The following FNTA variants were observed in gnomAD, a reference collection of about 807,000 sequenced individuals.
FNTA encodes farnesyltransferase, CAAX box, subunit alpha.
FNTA carries 27 observed loss-of-function variants against 55.2 expected under a neutral mutation model. That is an observed-to-expected ratio of 0.49 (90% CI 0.36 to 0.67). FNTA has a LOEUF of 0.67. Ranked by LOEUF, FNTA falls within the 30% of genes least tolerant of loss-of-function variation. The probability of loss-of-function intolerance (pLI) is 0.00; values close to 1 mark genes in which losing one functional copy is unlikely to be tolerated. For missense variants in FNTA, 422 were observed against 464.7 expected, an observed-to-expected ratio of 0.91 and a Z score of 0.85; for synonymous variants, 176 against 170.7, an observed-to-expected ratio of 1.03 and a Z score of -0.24.
chr8:43,083,211 T>G (rs1238555518), intron 7 of FNTA, 31 bp downstream of exon 7: 3 of 1,381,332 alleles, frequency 2.2e-6, no homozygotes, highest in Non-Finnish European at 3.0e-6. Flanking sequence ...TTTTTATATA[T>G]AAAAAAGAAG....
chr8:43,056,767 G>A, intron 1 of FNTA: 1 of 183,188 alleles, frequency 5.5e-6, no homozygotes, highest in Admixed American at 6.1e-5. Flanking sequence ...CGAGGTCTCG[G>A]CTTTCCGCCT....
rs35607201 is a variant in FNTA at position 43,062,173 on chromosome 8, ATGTGTGTG to A, written c.287-1906_287-1899del. On this transcript the variant is annotated intron_variant, in intron 2 of 8. Coordinates refer to ENST00000302279, the MANE Select transcript of FNTA (RefSeq NM_002027.3). ...ATCAATGTGCATATGTGTATGTTTT[ATGTGTGTG>A]TGTGTGTGTGTGTGTGTGTGTAAGA... 4.9e-3 allele frequency among the ~76,000 whole-genome samples: 727 copies of A among 149,002 alleles called. 9 individuals are homozygous for A. Among genetic ancestry groups the A allele is most frequent in the African/African-American group, 0.016 (657 of 40,272 alleles).
Position 43,069,604 on chromosome 8 carries a change from G to C in FNTA, c.451G>C (p.Glu151Gln). The change falls in exon 4 of 9, where the codon GAA becomes CAA. Residue 151 changes from glutamate to glutamine, a missense_variant. Coordinates refer to ENST00000302279, the MANE Select transcript of FNTA (RefSeq NM_002027.3). Reference protein sequence around the residue: ...LKSLQKDLHEEMNYITAIIEE... With the variant: ...LKSLQKDLHEQMNYITAIIEE... ...GTCACTTCAGAAGGATCTACATGAG[G>C]AAATGAACTACATCACTGCAATAAT... The C allele has an allele frequency of 6.2e-7, 1 of 1,613,782 alleles. No homozygotes were observed. The highest frequency in any genetic ancestry group is 8.5e-7 in the Non-Finnish European group (1 of 1,179,746).
intron 4 of FNTA, among the ~76,000 whole-genome samples, chr8:43,070,923 C>T (rs991040550): frequency 1.3e-5 from 2 of 152,206 alleles, no homozygotes; most frequent in Non-Finnish European, 2.9e-5. Flanking sequence ...ACTGAACTCA[C>T]CAGCAACCTG....
chr8:43,080,601 T>C (rs1811002838), intron 6 of FNTA: 1 of 152,220 alleles, frequency 6.6e-6, no homozygotes, highest in Non-Finnish European at 1.5e-5. Flanking sequence ...GGTATTCCTG[T>C]ATTGTTCAGT....
chr8:43,083,122 A>G lies in FNTA; in HGVS notation c.787A>G (p.Thr263Ala), dbSNP rs1052863709. The change falls in exon 7 of 9, where the codon ACT becomes GCT. Residue 263 changes from threonine (T) to alanine (A), a missense_variant. Transcript: ENST00000302279. ...RAVLEREVQY[T>A]LEMIKLVPHN... is the part of the protein sequence containing the mutation. ...ATATATATATTTTTCTTGCAGATAC[A>G]CTCTGGAAATGATTAAACTAGTACC... The G allele has an allele frequency of 2.6e-6, 4 of 1,555,372 alleles. No homozygotes were observed. Among genetic ancestry groups the G allele is most frequent in the East Asian group, 2.3e-5 (1 of 44,376 alleles).
chr8:43,084,754 A>G lies in FNTA; in HGVS notation c.890A>G (p.Asn297Ser), dbSNP rs202246754. 1 of 1,613,550 alleles carries G rather than the reference A, an allele frequency of 6.2e-7. No homozygotes were observed. The highest frequency in any genetic ancestry group is 2.2e-5 in the East Asian group (1 of 44,870). ...CTTTCCAAATATCCTAATCTGTTAA[A>G]TCAATTACTTGATTTACAACCAAGT... ...RGLSKYPNLL[N>S]QLLDLQPSHS... is the part of the protein sequence containing the mutation. Residue 297 changes from asparagine to serine, a missense_variant, in exon 8 of 9, where the codon AAT (asparagine) becomes AGT (serine). Asn to Ser is a conservative substitution (Grantham distance 46, BLOSUM62 1). Around this residue, in one of 2 missense-constraint regions of FNTA, gnomAD observed 262 missense variants for 343.1 expected, o/e 0.76. Transcript: ENST00000302279.
chr8:43,070,732 G>C (rs1810770628), intron 4 of FNTA, among the ~76,000 whole-genome samples: 1 of 152,218 alleles, frequency 6.6e-6, no homozygotes, highest in African/African-American at 2.4e-5. Context: ...TTTATAACCA[G>C]TGTAGTACAG....
intron 2 of FNTA, among the ~76,000 whole-genome samples, chr8:43,062,628 C>T (rs1810561082): frequency 6.6e-6 from 1 of 152,138 alleles, no homozygotes; most frequent in South Asian, 2.1e-4. Flanking sequence ...TTGTATACCT[C>T]AGAATTTTGT....
Position 43,085,398 on chromosome 8 carries a change from T to A in FNTA, c.*116T>A. 1.1e-6 allele frequency: 1 copy of A among 918,324 alleles called. No homozygotes were observed. Among genetic ancestry groups the A allele is most frequent in the East Asian group, 2.7e-5 (1 of 37,324 alleles). The allele number at this position is 918,324 out of a possible 1,614,324, so 56.9% of individuals were successfully genotyped here. A position where few individuals can be genotyped will look rare whatever the true frequency, so the allele number is the denominator to read the frequency against. On this transcript the variant is annotated 3_prime_UTR_variant, in exon 9 of 9. Transcript: ENST00000302279. ...GTGGTGTAAAAGTGCATCACACAGG[T>A]ATTGCTTTTTAACAAGAACTGATGC...
intron 2 of FNTA, chr8:43,063,195 C>T: frequency 2.2e-6 from 1 of 451,794 alleles, no homozygotes; most frequent in Non-Finnish European, 4.4e-6. Flanking sequence ...ATCCTCCTAC[C>T]TCTGCCTCCC....
intron 3 of FNTA, 70 bp downstream of exon 3, chr8:43,064,285 C>A: frequency 1.0e-6 from 1 of 979,454 alleles, no homozygotes; most frequent in Non-Finnish European, 1.6e-6. Flanking sequence ...TTTTTTTAAA[C>A]TGTACTTTAA....
chr8:43,063,350 T>C lies in FNTA; in HGVS notation c.287-751T>C, dbSNP rs1458071255. The C allele has an allele frequency of 4.4e-5, 20 of 455,506 alleles. No homozygotes were observed. The Admixed American group carries it at 4.7e-4, about 11-fold the overall frequency. 28.2% of individuals were successfully genotyped at this position (455,506 alleles called of 1,614,324 possible). A position where few individuals can be genotyped will look rare whatever the true frequency, so the allele number is the denominator to read the frequency against. On this transcript the variant is annotated intron_variant, in intron 2 of 8. Coordinates refer to ENST00000302279, the MANE Select transcript of FNTA (RefSeq NM_002027.3). ...CCTGCCTCAGTCTTTTGTTTGTTTT[T>C]TTTGTAATCCAATGCTCCCAATAAA...
Position 43,085,393 on chromosome 8 carries a change from A to G in FNTA, c.*111A>G, listed in dbSNP as rs1811107346. 1.0e-6 allele frequency: 1 copy of G among 982,712 alleles called. No homozygotes were observed. Among genetic ancestry groups the G allele is most frequent in the Non-Finnish European group, 1.5e-6 (1 of 648,052 alleles). 60.9% of individuals were successfully genotyped at this position (982,712 alleles called of 1,614,324 possible). The stretch of plus-strand genomic sequence containing the variant: ...TGCCTGTGGTGTAAAAGTGCATCAC[A>G]CAGGTATTGCTTTTTAACAAGAACT... On this transcript the variant is annotated 3_prime_UTR_variant, in exon 9 of 9. Coordinates refer to ENST00000302279, the MANE Select transcript of FNTA (RefSeq NM_002027.3).
chr8:43,064,839 CTTTTA>C (rs986766347), intron 3 of FNTA, among the ~76,000 whole-genome samples: 2 of 149,916 alleles, frequency 1.3e-5, no homozygotes, highest in African/African-American at 2.4e-5. Context: ...TATATTTTTA[CTTTTA>C]TTTTTTTTTT....
intron 2 of FNTA, among the ~76,000 whole-genome samples, chr8:43,062,990 C>G (rs559596959): frequency 1.3e-5 from 2 of 152,202 alleles, no homozygotes; most frequent in African/African-American, 4.8e-5. Context: ...ACTATGTTAC[C>G]CAGCGTGGTC....
chr8:43,061,324 A>G (rs1439115083), intron 2 of FNTA, among the ~76,000 whole-genome samples: 1 of 152,244 alleles, frequency 6.6e-6, no homozygotes. Flanking sequence ...ATCTGGTTCA[A>G]ATTCTAACTT....
chr8:43,084,597 AAAT>A, intron 7 of FNTA, 110 bp from the exon 8 acceptor site: 2 of 773,986 alleles, frequency 2.6e-6, no homozygotes, highest in Non-Finnish European at 4.1e-6. Flanking sequence ...CATTCATTCA[AAAT>A]AACTCTCCTT....
In FNTA at chr8:43,085,659, T is replaced by C. The variant is rs1218965761; in HGVS notation, c.*377T>C. On this transcript the variant is annotated 3_prime_UTR_variant, in exon 9 of 9. Transcript: ENST00000302279. Reference sequence around the variant, plus strand: ...TGGATGTGAGGTAGCCGAAGTTTGGTTCAGTAAGCAGGGAATACAGTCGTT... The same window carrying C: ...TGGATGTGAGGTAGCCGAAGTTTGGCTCAGTAAGCAGGGAATACAGTCGTT... 4 of 197,538 alleles carry C rather than the reference T, an allele frequency of 2.0e-5. No individual in the cohort carries two copies. Among genetic ancestry groups the C allele is most frequent in the African/African-American group, 9.5e-5 (4 of 42,168 alleles). 12.2% of individuals were successfully genotyped at this position (197,538 alleles called of 1,614,324 possible).
Sources: gnomAD v4.1 joint callset for allele counts (sites outside exome capture counted in the v4.1 genomes callset) on GRCh38, gnomAD v4.1.1 for gene constraint, gnomAD v4.1.1 regional missense constraint, MANE v1.5 for transcripts, NCBI Gene and HGNC (gene_info 2026-07-23, HGNC 2026-07-21) for gene names.